ASTN2: variants seen among roughly 807,000 people sequenced by gnomAD.
ASTN2 encodes the protein astrotactin-2.
A neutral mutation model predicts 139.8 loss-of-function variants in ASTN2; 54 were observed. The ratio of observed to expected loss-of-function variants is 0.39; its 90% confidence interval spans 0.31 to 0.48. The LOEUF (loss-of-function observed/expected upper bound fraction) is 0.48, where lower values mean the gene tolerates loss of function less well. Among genes scored for constraint, ASTN2 ranks in the 20% least tolerant of loss-of-function variants. The pLI, the probability that ASTN2 is intolerant of heterozygous loss-of-function variation, is 0.95. For missense variants in ASTN2, 1,565 were observed against 1,725.1 expected (o/e 0.91, Z 1.64); for synonymous variants, 756 against 719.5 (o/e 1.05, Z -0.81).
chr9:117,030,887 A>G (rs964206522), intron 6 of ASTN2, among the ~76,000 whole-genome samples: 2 of 152,170 alleles, frequency 1.3e-5, no homozygotes, highest in Non-Finnish European at 2.9e-5. Flanking sequence ...TTATATTACC[A>G]ATTTCATTAC....
chr9:116,870,238 A>T (rs943875076), intron 10 of ASTN2, among the ~76,000 whole-genome samples: 3 of 152,222 alleles, frequency 2.0e-5, no homozygotes, highest in Admixed American at 6.5e-5. Context: ...TTAGGAGTTG[A>T]ACCCAGGTAG....
intron 1 of ASTN2, 26 bp from the exon 2 acceptor site, chr9:117,291,539 G>T: frequency 6.4e-7 from 1 of 1,566,780 alleles, no homozygotes; most frequent in Non-Finnish European, 8.7e-7. Flanking sequence ...CGAGGCACTG[G>T]GTGAGCCGTA....
intron 16 of ASTN2, among the ~76,000 whole-genome samples, chr9:116,725,038 G>A (rs965034524): frequency 1.3e-5 from 2 of 152,092 alleles, no homozygotes; most frequent in Admixed American, 6.5e-5. Flanking sequence ...ACACATGTGC[G>A]ATATTCTAAC....
chr9:116,940,623 T>C (rs1214112524), intron 10 of ASTN2, among the ~76,000 whole-genome samples: 1 of 152,222 alleles, frequency 6.6e-6, no homozygotes, highest in Non-Finnish European at 1.5e-5. Flanking sequence ...TTAAGCTAAG[T>C]GTTACTACAA....
At chr9:117,244,151 C>T (rs7037416) in intron 2 of ASTN2, among the ~76,000 whole-genome samples, 17,895 of 152,136 alleles carry the variant, frequency 0.12, 1,523 homozygotes, top group African/African-American at 0.23. Context: ...TCCACTTTGG[C>T]CATGATTGCA....
At chr9:116,488,860 T>C (rs543257598) in intron 19 of ASTN2, among the ~76,000 whole-genome samples, 86 of 152,238 alleles carry the variant, frequency 5.6e-4, no homozygotes, top group African/African-American at 2.0e-3. Flanking sequence ...TTGTAACCCA[T>C]AAAAATATCA....
chr9:116,431,280 G>A (rs749627511), intron 22 of ASTN2, among the ~76,000 whole-genome samples: 2 of 152,072 alleles, frequency 1.3e-5, no homozygotes. Flanking sequence ...ATTCCCATTC[G>A]CCTCCCTCCC....
intron 1 of ASTN2, among the ~76,000 whole-genome samples, chr9:117,295,537 T>C (rs1441077222): frequency 6.6e-6 from 1 of 152,000 alleles, no homozygotes; most frequent in Non-Finnish European, 1.5e-5. Context: ...TACATACATA[T>C]ATGTATATAT....
intron 19 of ASTN2, among the ~76,000 whole-genome samples, chr9:116,606,186 C>A (rs1316963999): frequency 6.6e-6 from 1 of 152,148 alleles, no homozygotes; most frequent in Non-Finnish European, 1.5e-5. Context: ...CCACAACAAG[C>A]CCCATTTCTG....
At chr9:117,028,689 G>C (rs1306615667) in intron 6 of ASTN2, among the ~76,000 whole-genome samples, 1 of 152,154 alleles carries the variant, frequency 6.6e-6, no homozygotes, top group Non-Finnish European at 1.5e-5. Flanking sequence ...TGTGGGCTCA[G>C]CTGTTTGCTC....
chr9:117,117,664 GT>G (rs1246977127), intron 4 of ASTN2, among the ~76,000 whole-genome samples: 5 of 152,200 alleles, frequency 3.3e-5, no homozygotes, highest in African/African-American at 1.2e-4. Context: ...TTGATGAGAT[GT>G]TTTCCAATTT....
intron 20 of ASTN2, among the ~76,000 whole-genome samples, chr9:116,457,737 C>T (rs112931550): frequency 0.032 from 4,810 of 152,068 alleles, 110 homozygotes; most frequent in Non-Finnish European, 0.049. Flanking sequence ...GGGAAACCCT[C>T]GTATGTTACT....
At chr9:117,176,915 C>T (rs1830932384) in intron 3 of ASTN2, among the ~76,000 whole-genome samples, 1 of 152,146 alleles carries the variant, frequency 6.6e-6, no homozygotes, top group South Asian at 2.1e-4. Flanking sequence ...CAGAATAAGA[C>T]CTTGTCTCTA....
intron 22 of ASTN2, 47 bp downstream of exon 22, chr9:116,440,562 G>A: frequency 6.3e-7 from 1 of 1,579,998 alleles, no homozygotes; most frequent in Non-Finnish European, 8.7e-7. Context: ...AAAGTCAACT[G>A]GAGGCAAAAA....
At chr9:116,973,896 A>G (rs969504231) in intron 10 of ASTN2, among the ~76,000 whole-genome samples, 5 of 152,202 alleles carry the variant, frequency 3.3e-5, no homozygotes, top group Admixed American at 1.3e-4. Flanking sequence ...GAAAAGCATG[A>G]TAAGTTCATC....
chr9:116,639,078 G>A (rs1857209009), intron 17 of ASTN2, among the ~76,000 whole-genome samples: 1 of 152,152 alleles, frequency 6.6e-6, no homozygotes, highest in Non-Finnish European at 1.5e-5. Flanking sequence ...TAGGTACATG[G>A]CAGTTCATTA....
In ASTN2 at chr9:116,439,658, C is replaced by T. The variant is rs542526103; in HGVS notation, c.3782+951G>A. 5.3e-5 allele frequency among the ~76,000 whole-genome samples: 8 copies of T among 152,180 alleles called. No homozygotes were observed. The East Asian group carries it at 1.2e-3, about 22-fold the overall frequency. On this transcript the variant is annotated intron_variant, in intron 22 of 22. Transcript: ENST00000313400. ...GTAACATTTTCTCTTCTGAGCATTCCGTCAGGTAGTCTCTCTGCTCCAAAT... is the reference window on the plus strand; with the variant it reads ...GTAACATTTTCTCTTCTGAGCATTCTGTCAGGTAGTCTCTCTGCTCCAAAT...
chr9:117,049,599 A>G (rs1390863146), intron 5 of ASTN2, among the ~76,000 whole-genome samples: 1 of 152,224 alleles, frequency 6.6e-6, no homozygotes. Context: ...ACTACCTTGT[A>G]AGGCAGGGGT....
intron 1 of ASTN2, among the ~76,000 whole-genome samples, chr9:117,405,478 C>T (rs142819077): frequency 3.7e-4 from 57 of 152,276 alleles, no homozygotes; most frequent in African/African-American, 1.3e-3. Flanking sequence ...ATAAAATGGT[C>T]ACGGTTTTCA....
Sources: gnomAD v4.1 joint callset for allele counts (sites outside exome capture counted in the v4.1 genomes callset) on GRCh38, gnomAD v4.1.1 for gene constraint, MANE v1.5 for transcripts, NCBI Gene and HGNC (gene_info 2026-07-23, HGNC 2026-07-21) for gene names.